Variants in RBPJ observed in about 807,000 individuals in gnomAD.
The protein encoded by RBPJ is recombination signal binding protein for immunoglobulin kappa J region.
A neutral mutation model predicts 67.8 loss-of-function variants in RBPJ; 9 were observed. That is an observed-to-expected ratio of 0.13 (90% CI 0.08 to 0.23). The LOEUF (loss-of-function observed/expected upper bound fraction) is 0.23. RBPJ is among the 10% of genes least tolerant of loss of function. The pLI, the probability that RBPJ is intolerant of heterozygous loss-of-function variation, is 1.00. For missense variants in RBPJ, 305 were observed against 595.6 expected (o/e 0.51, Z 5.08); for synonymous variants, 198 against 203.3 (o/e 0.97, Z 0.22).
chr4:26,320,684 C>T, upstream of RBPJ: 4 of 1,503,768 alleles, frequency 2.7e-6, no homozygotes, highest in Non-Finnish European at 3.6e-6. Flanking sequence ...TAGTAATCCC[C>T]TCCGGTTTTC....
At chr4:26,316,438 TTCATATAC>T (rs1360725499), upstream of RBPJ, among the ~76,000 whole-genome samples, 20 of 140,746 alleles carry the variant, frequency 1.4e-4, no homozygotes, top group African/African-American at 5.1e-4. Flanking sequence ...CATATATACA[TTCATATAC>T]ATTCATATAT....
intron 1 of RBPJ, among the ~76,000 whole-genome samples, chr4:26,273,270 A>G (rs1035121061): frequency 6.6e-6 from 1 of 152,172 alleles, no homozygotes; most frequent in Non-Finnish European, 1.5e-5. Context: ...CTGAGCTGAC[A>G]TTAAAGAGAA....
upstream of RBPJ, among the ~76,000 whole-genome samples, chr4:26,317,562 C>G (rs956062497): frequency 6.6e-6 from 1 of 152,132 alleles, no homozygotes; most frequent in African/African-American, 2.4e-5. Flanking sequence ...TCTATTAGCA[C>G]AGACTGCGGG....
intron 3 of RBPJ, among the ~76,000 whole-genome samples, chr4:26,414,460 C>T (rs1472174200): frequency 1.3e-5 from 2 of 152,168 alleles, no homozygotes; most frequent in African/African-American, 2.4e-5. Context: ...TGGGTCACCG[C>T]GCCCAGCCTG....
At chr4:26,306,969 GTT>G (rs1722258490) in intron 1 of RBPJ, among the ~76,000 whole-genome samples, 1 of 151,752 alleles carries the variant, frequency 6.6e-6, no homozygotes, top group South Asian at 2.1e-4. Context: ...ACTTTAAATA[GTT>G]TATTAAAATT....
intron 1 of RBPJ, among the ~76,000 whole-genome samples, chr4:26,279,492 G>A (rs1490422615): frequency 2.0e-5 from 3 of 152,036 alleles, no homozygotes; most frequent in African/African-American, 7.2e-5. Flanking sequence ...TGGCCACGAT[G>A]GTCTCAATCT....
intron 1 of RBPJ, among the ~76,000 whole-genome samples, chr4:26,263,059 C>T (rs1467883781): frequency 6.6e-6 from 1 of 152,198 alleles, no homozygotes; most frequent in African/African-American, 2.4e-5. Context: ...CCCAGTTTTC[C>T]TGCCCCAGAT....
At chr4:26,271,070 T>A (rs1351951876) in intron 1 of RBPJ, among the ~76,000 whole-genome samples, 1 of 152,206 alleles carries the variant, frequency 6.6e-6, no homozygotes, top group Non-Finnish European at 1.5e-5. Context: ...GTGCCTAATT[T>A]ATTTTTTAAA....
In RBPJ at chr4:26,264,305, T is replaced by G. The variant is rs1268717169; in HGVS notation, c.-166-98141T>G. On this transcript the variant is annotated intron_variant, in intron 1 of 4. Coordinates refer to the RBPJ transcript ENST00000512351. The surrounding 1 kb of genome is among the most constrained non-coding windows in gnomAD (Gnocchi z 4.1). ...ACTTATTAATTCAGATCTTAGTAAT[T>G]AATTATTATTAATACTTATTAATTC... 1.3e-5 allele frequency among the ~76,000 whole-genome samples: 2 copies of G among 152,124 alleles called. No individual in the cohort carries two copies. The highest frequency in any genetic ancestry group is 2.9e-5 in the Non-Finnish European group (2 of 68,026).
Position 26,364,594 on chromosome 4 carries a change from A to G in RBPJ, c.21-21759A>G, listed in dbSNP as rs552260027. 1.5e-4 allele frequency among the ~76,000 whole-genome samples: 19 copies of G among 123,480 alleles called. No individual in the cohort carries two copies. The East Asian group carries it at 4.4e-3, about 28-fold the overall frequency. 81.0% of individuals were successfully genotyped at this position (123,480 alleles called of 152,430 possible). A position where few individuals can be genotyped will look rare whatever the true frequency, so the allele number is the denominator to read the frequency against. ...GATTGGGAAGTCCTGTTCTATTTGG[A>G]AGACTTTTTTTTTTTTTTCTTTTTC... On this transcript the variant is annotated intron_variant, in intron 1 of 10. Coordinates refer to ENST00000355476, the MANE Select transcript of RBPJ (RefSeq NM_015874.6).
chr4:26,424,695 A>G lies in RBPJ; in HGVS notation c.699A>G (p.Gln233=), dbSNP rs1454099334. 3 of 1,613,926 alleles carry G rather than the reference A, an allele frequency of 1.9e-6. No homozygotes were observed. Among genetic ancestry groups the G allele is most frequent in the East Asian group, 2.2e-5 (1 of 44,874 alleles). ...TVRDGYIHYG[Q]TVKLVCSVTG... ...GAGATGGCTACATCCATTATGGACA[A>G]ACAGTCAAACTTGTGTGCTCAGTTA... The change falls in exon 7 of 11, where the codon CAA becomes CAG. Residue 233 remains glutamine (Q), a synonymous_variant. Coordinates refer to ENST00000355476, the MANE Select transcript of RBPJ (RefSeq NM_015874.6). This position sits in a 1 kb window ranked among gnomAD's most constrained non-coding sequence, Gnocchi z 5.3.
At chr4:26,416,758 T>G (rs1560339046) in intron 4 of RBPJ, among the ~76,000 whole-genome samples, 1 of 152,170 alleles carries the variant, frequency 6.6e-6, no homozygotes, top group Non-Finnish European at 1.5e-5. Context: ...TTGGGAGTAG[T>G]GTTGGTGGAG....
rs1736170044 is a variant in RBPJ, at chr4:26,431,042, AGTGTGG to A, written c.*36_*41del. 15 of 1,567,140 alleles carry A rather than the reference AGTGTGG, an allele frequency of 9.6e-6. No individual in the cohort carries two copies. Among genetic ancestry groups the A allele is most frequent in the Non-Finnish European group, 1.2e-5 (14 of 1,145,322 alleles). On this transcript the variant is annotated 3_prime_UTR_variant, in exon 11 of 11. Coordinates refer to ENST00000355476, the MANE Select transcript of RBPJ (RefSeq NM_015874.6). ...TTTTGCTAGGACTTAAACTGACTTG[AGTGTGG>A]CAAAAAGTTAACAAAAAAGGAGAAA...
At chr4:26,179,680 C>T (rs892057377) in intron 1 of RBPJ, among the ~76,000 whole-genome samples, 3 of 152,002 alleles carry the variant, frequency 2.0e-5, no homozygotes, top group Non-Finnish European at 4.4e-5. Context: ...ATGCTGGCAA[C>T]GTTGTGGAGG....
chr4:26,231,448 G>A (rs547724937), intron 1 of RBPJ, among the ~76,000 whole-genome samples: 24 of 142,680 alleles, frequency 1.7e-4, no homozygotes, highest in African/African-American at 5.8e-4. Flanking sequence ...TTTCACTCTC[G>A]TTGCCCAGGC....
chr4:26,233,112 C>T (rs1164349379), intron 1 of RBPJ, among the ~76,000 whole-genome samples: 2 of 152,176 alleles, frequency 1.3e-5, no homozygotes, highest in African/African-American at 4.8e-5. Flanking sequence ...TTTTCTATAG[C>T]TGACATCCTG....
At chr4:26,386,240 C>T in intron 1 of RBPJ, 113 bp from the exon 2 acceptor site, 1 of 683,284 alleles carries the variant, frequency 1.5e-6, no homozygotes, top group South Asian at 1.9e-5. Flanking sequence ...TCATGTTCTT[C>T]AGTGAGATTG....
intron 2 of RBPJ, among the ~76,000 whole-genome samples, chr4:26,388,434 T>C (rs1031227396): frequency 5.9e-5 from 9 of 152,224 alleles, no homozygotes; most frequent in Admixed American, 5.9e-4. Flanking sequence ...TCACTTCTGT[T>C]GTAGCACAAA....
At chr4:26,116,358 A>G in the RBPJ span, among the ~76,000 whole-genome samples, 4 of 152,324 alleles carry the variant, frequency 2.6e-5, no homozygotes, top group Admixed American at 2.6e-4. Flanking sequence ...AGAAAAAGAA[A>G]ATCTTACCTG....
Sources: gnomAD v4.1 joint callset for allele counts (sites outside exome capture counted in the v4.1 genomes callset) on GRCh38, gnomAD v4.1.1 for gene constraint, Gnocchi (gnomAD v3.1) non-coding constraint, MANE v1.5 for transcripts, NCBI Gene and HGNC (gene_info 2026-07-23, HGNC 2026-07-21) for gene names.